The following OTUD6B variants were observed in gnomAD, a reference collection of about 807,000 sequenced individuals.
The protein encoded by OTUD6B is deubiquitinase OTUD6B.
OTUD6B carries 41 observed loss-of-function variants against 36.9 expected under a neutral mutation model. That is an observed-to-expected ratio of 1.11 (90% CI 0.87 to 1.44). The LOEUF is 1.44. Ranked by LOEUF, OTUD6B falls within the 40% of genes most tolerant of loss-of-function variation. The probability of loss-of-function intolerance (pLI) is 0.00; values close to 1 mark genes in which losing one functional copy is unlikely to be tolerated. For missense variants in OTUD6B, 356 were observed against 344.8 expected (o/e 1.03, Z -0.26); for synonymous variants, 114 against 114.2 (o/e 1.00, Z 0.01).
At chr8:91,072,365 T>A (rs769968304) in intron 2 of OTUD6B, among the ~76,000 whole-genome samples, 3 of 152,226 alleles carry the variant, frequency 2.0e-5, no homozygotes, top group Admixed American at 2.0e-4. Flanking sequence ...AAGTGAATAC[T>A]GAATTCTGTT....
chr8:91,072,586 C>A (rs78321802), intron 2 of OTUD6B, among the ~76,000 whole-genome samples: 2,509 of 152,254 alleles, frequency 0.016, 74 homozygotes, highest in African/African-American at 0.057. Flanking sequence ...TAAATATAGT[C>A]TAAATTTCTT....
intron 5 of OTUD6B, among the ~76,000 whole-genome samples, chr8:91,081,312 T>C (rs1563583012): frequency 6.6e-6 from 1 of 151,726 alleles, no homozygotes; most frequent in East Asian, 1.9e-4. Context: ...CAGGAAGTTA[T>C]CAAGATTACT....
intron 2 of OTUD6B, 39 bp downstream of exon 2, chr8:91,071,328 G>T: frequency 6.8e-7 from 1 of 1,462,262 alleles, no homozygotes; most frequent in Non-Finnish European, 9.3e-7. Flanking sequence ...TACACCATTT[G>T]AAAACAGCTG....
chr8:91,073,718 T>G (rs2130427984), intron 2 of OTUD6B, 113 bp from the exon 3 acceptor site: 1 of 1,341,718 alleles, frequency 7.5e-7, no homozygotes, highest in South Asian at 1.6e-5. Flanking sequence ...CCATATTATC[T>G]AATACAGTGT....
At chr8:91,073,329 G>A (rs1350621666) in intron 2 of OTUD6B, among the ~76,000 whole-genome samples, 1 of 151,960 alleles carries the variant, frequency 6.6e-6, no homozygotes, top group East Asian at 1.9e-4. Context: ...TATATTTTCT[G>A]CCTGCAGTTA....
intron 1 of OTUD6B, 186 bp from the exon 2 acceptor site, chr8:91,070,948 GTTTT>G: frequency 1.6e-5 from 8 of 512,700 alleles, no homozygotes; most frequent in Non-Finnish European, 2.0e-5. Flanking sequence ...TGTTAATGAA[GTTTT>G]TTTTTTTTTT....
At chr8:91,081,081 T>TAGTCCAGTAAAAGCAG (rs1554586651) in intron 5 of OTUD6B, among the ~76,000 whole-genome samples, 1 of 151,942 alleles carries the variant, frequency 6.6e-6, no homozygotes. Flanking sequence ...AAAGTAAAAT[T>TAGTCCAGTAAAAGCAG]TAGCCTAGTA....
chr8:91,081,811 C>T (rs28552946), intron 5 of OTUD6B, among the ~76,000 whole-genome samples: 10,089 of 152,118 alleles, frequency 0.066, 604 homozygotes, highest in African/African-American at 0.16. Flanking sequence ...TGTGTATGTG[C>T]ATTTCCACCA....
Position 91,078,258 on chromosome 8 carries a change from C to A in OTUD6B, c.316-98C>A, listed in dbSNP as rs1812836988. ...TTTGTGCGAGAAGGGAGAATAAACA[C>A]CGGAAAGTTTTGAGACCTTTACATT... On this transcript the variant is annotated intron_variant, in intron 3 of 6. Transcript: ENST00000404789. 9.7e-6 allele frequency: 14 copies of A among 1,448,864 alleles called. No homozygotes were observed. The South Asian group carries it at 2.0e-4, about 20-fold the overall frequency. The allele number at this position is 1,448,864 out of a possible 1,614,324, so 89.8% of individuals were successfully genotyped here.
chr8:91,076,770 C>A, intron 3 of OTUD6B: 1 of 744,686 alleles, frequency 1.3e-6, no homozygotes, highest in South Asian at 1.5e-5. Context: ...CTTTTTTAGT[C>A]TTTTATAAAG....
At chr8:91,072,978 C>T (rs1812727796) in intron 2 of OTUD6B, among the ~76,000 whole-genome samples, 1 of 152,020 alleles carries the variant, frequency 6.6e-6, no homozygotes, top group Admixed American at 6.6e-5. Context: ...TTTTATCTTG[C>T]CTATTGTCAA....
intron 3 of OTUD6B, chr8:91,076,721 TG>T: frequency 3.8e-6 from 4 of 1,042,360 alleles, no homozygotes; most frequent in Non-Finnish European, 4.3e-6. Flanking sequence ...TTGGATTAGA[TG>T]ATATCTAAGG....
intron 3 of OTUD6B, 27 bp from the exon 4 acceptor site, chr8:91,078,329 A>G: frequency 6.6e-7 from 1 of 1,514,674 alleles, no homozygotes; most frequent in Non-Finnish European, 8.8e-7. Context: ...ATTATGAATT[A>G]ACTTTCATGC....
chr8:91,072,672 G>T (rs1812723331), intron 2 of OTUD6B, among the ~76,000 whole-genome samples: 5 of 152,122 alleles, frequency 3.3e-5, no homozygotes, highest in Admixed American at 2.6e-4. Context: ...AGGCATATAT[G>T]ATACTCCAGG....
intron 5 of OTUD6B, among the ~76,000 whole-genome samples, chr8:91,083,407 C>T (rs1563583904): frequency 6.6e-6 from 1 of 152,194 alleles, no homozygotes; most frequent in East Asian, 1.9e-4. Flanking sequence ...CTACCCATTG[C>T]CCCTCTTCAT....
chr8:91,084,274 A>G (rs1357321348), intron 6 of OTUD6B, among the ~76,000 whole-genome samples, 160 bp downstream of exon 6: 2 of 152,182 alleles, frequency 1.3e-5, no homozygotes, highest in South Asian at 2.1e-4. Context: ...AGTCATTTCT[A>G]AAGGTTATAA....
chr8:91,072,921 C>G (rs1812727047), intron 2 of OTUD6B, among the ~76,000 whole-genome samples: 1 of 152,134 alleles, frequency 6.6e-6, no homozygotes, highest in Non-Finnish European at 1.5e-5. Flanking sequence ...TTTCTGAATA[C>G]TACCAAAAAC....
chr8:91,076,018 A>G (rs1013472844), intron 3 of OTUD6B, among the ~76,000 whole-genome samples: 25 of 152,102 alleles, frequency 1.6e-4, no homozygotes, highest in Non-Finnish European at 3.1e-4. Context: ...CTAAAATAGA[A>G]CTTAGAAGAG....
At chr8:91,074,287 T>G (rs547920912) in intron 3 of OTUD6B, among the ~76,000 whole-genome samples, 58 of 152,202 alleles carry the variant, frequency 3.8e-4, no homozygotes, top group Non-Finnish European at 7.1e-4. Flanking sequence ...ACTTAAAAAT[T>G]CAGAATGTGG....
Sources: gnomAD v4.1 joint callset for allele counts (sites outside exome capture counted in the v4.1 genomes callset) on GRCh38, gnomAD v4.1.1 for gene constraint, MANE v1.5 for transcripts, NCBI Gene and HGNC (gene_info 2026-07-23, HGNC 2026-07-21) for gene names.